KIF24: variants seen among roughly 807,000 people sequenced by gnomAD.
KIF24 encodes kinesin-like protein KIF24.
In KIF24, 81 loss-of-function variants were observed where a neutral mutation model predicts 118.9. That is an observed-to-expected ratio of 0.68 (90% CI 0.57 to 0.82). KIF24 has a LOEUF of 0.82. Among genes scored for constraint, KIF24 ranks in the 40% least tolerant of loss-of-function variants. The pLI, the probability that KIF24 is intolerant of heterozygous loss-of-function variation, is 0.00. For missense variants in KIF24, 1,560 were observed against 1,661.6 expected, an observed-to-expected ratio of 0.94 and a Z score of 1.06; for synonymous variants, 599 against 610.0, an observed-to-expected ratio of 0.98 and a Z score of 0.27.
chr9:34,327,169 A>G (rs1837695994), intron 1 of KIF24, among the ~76,000 whole-genome samples: 1 of 152,152 alleles, frequency 6.6e-6, no homozygotes, highest in Non-Finnish European at 1.5e-5. Context: ...CCATACACTC[A>G]AGGTTTAAGA....
In KIF24 at chr9:34,256,471, A is replaced by G. The variant is rs1296348332; in HGVS notation, c.3136T>C (p.Ser1046Pro). 1 of 1,613,790 alleles carries G rather than the reference A, an allele frequency of 6.2e-7. No individual in the cohort carries two copies. Among genetic ancestry groups the G allele is most frequent in the African/African-American group, 1.3e-5 (1 of 75,004 alleles). The change falls in exon 11 of 13, where the codon TCT becomes CCT. Residue 1046 changes from serine to proline, a missense_variant. Coordinates refer to ENST00000402558, the MANE Select transcript of KIF24 (RefSeq NM_194313.4). ...ATGGTGAGGGGAGACATGAGTCCAGAAGCATATTCAGCATGCGTGCCTAAC... is the reference window on the plus strand; with the variant it reads ...ATGGTGAGGGGAGACATGAGTCCAGGAGCATATTCAGCATGCGTGCCTAAC... ...GQLGTHAEYA[S>P]GLMSPLTMSL...
upstream of KIF24, among the ~76,000 whole-genome samples, chr9:34,331,481 A>G (rs1837935648): frequency 6.6e-6 from 1 of 152,202 alleles, no homozygotes; most frequent in Non-Finnish European, 1.5e-5. Context: ...ATAGACAGCC[A>G]TGCTTTTCTG....
chr9:34,256,236 C>A lies in KIF24; in HGVS notation c.3371G>T (p.Gly1124Val). 1 of 1,604,420 alleles carries A rather than the reference C, an allele frequency of 6.2e-7. No homozygotes were observed. Among genetic ancestry groups the A allele is most frequent in the Non-Finnish European group, 8.5e-7 (1 of 1,174,742 alleles). Residue 1124 changes from glycine (G) to valine (V), a missense_variant, in exon 11 of 13, where the codon GGT becomes GTT. This residue lies in a region of KIF24 where 591 missense variants were observed against 655.6 expected (regional missense o/e 0.90). Coordinates refer to ENST00000402558, the MANE Select transcript of KIF24 (RefSeq NM_194313.4). ...LSSSPPDNKP[G>V]GDLPALSPSP... ...TGGGGACAGAGCTGGAAGATCACCA[C>A]CAGGCTTATTATCAGGGGGAGATGA...
At chr9:34,287,844 T>A (rs929749568) in intron 5 of KIF24, among the ~76,000 whole-genome samples, 1 of 150,602 alleles carries the variant, frequency 6.6e-6, no homozygotes, top group African/African-American at 2.4e-5. Context: ...TGTAGTACGC[T>A]ATGATTGCGC....
rs542008868 is a variant in KIF24 at position 34,327,266 on chromosome 9, A to C, written c.-26+1840T>G. Among the ~76,000 whole-genome samples, 4 of 152,168 alleles carry C rather than the reference A, an allele frequency of 2.6e-5. No homozygotes were observed. The South Asian group carries it at 8.3e-4, about 32-fold the overall frequency. The stretch of plus-strand genomic sequence containing the variant: ...ACTGGTTTGCTGAGCCAGCATAGGG[A>C]AACTGGATTAATATATCAGGCATCA... On this transcript the variant is annotated intron_variant, in intron 1 of 12. Transcript: ENST00000402558.
In KIF24 at chr9:34,310,657, T is replaced by C. The variant is rs1837101550; in HGVS notation, c.623+67A>G. The C allele has an allele frequency of 3.4e-6, 4 of 1,166,572 alleles. 1 individual carries two copies. The highest frequency in any genetic ancestry group is 3.1e-5 in the South Asian group (2 of 65,072). 72.3% of individuals were successfully genotyped at this position (1,166,572 alleles called of 1,614,324 possible). Reference sequence around the variant, plus strand: ...AGGAGTAGATGCTGTCTGCTGGACATGAAGGAGAGGCCTGCCCTTGCCTGA... The same window carrying C: ...AGGAGTAGATGCTGTCTGCTGGACACGAAGGAGAGGCCTGCCCTTGCCTGA... On this transcript the variant is annotated intron_variant, in intron 2 of 12. Coordinates refer to ENST00000402558, the MANE Select transcript of KIF24 (RefSeq NM_194313.4).
At chr9:34,298,810 A>T (rs2131779206) in intron 3 of KIF24, among the ~76,000 whole-genome samples, 1 of 152,306 alleles carries the variant, frequency 6.6e-6, no homozygotes, top group Non-Finnish European at 1.5e-5. Flanking sequence ...ATTATTTGAC[A>T]ACCATGGAAA....
chr9:34,281,566 C>T (rs969598300), intron 6 of KIF24, among the ~76,000 whole-genome samples: 2 of 152,134 alleles, frequency 1.3e-5, no homozygotes, highest in Admixed American at 6.5e-5. Context: ...AAACCTCTAA[C>T]AAAGCATTTG....
In KIF24 at chr9:34,256,031, G is replaced by C. The variant is rs1356819791; in HGVS notation, c.3576C>G (p.Phe1192Leu). The C allele has an allele frequency of 1.3e-5, 21 of 1,614,012 alleles. No homozygotes were observed. The highest frequency in any genetic ancestry group is 2.2e-5 in the South Asian group (2 of 91,084). The change falls in exon 11 of 13, where the codon TTC (phenylalanine) becomes TTG (leucine). Residue 1192 changes from phenylalanine (F) to leucine (L), a missense_variant. Coordinates refer to ENST00000402558, the MANE Select transcript of KIF24 (RefSeq NM_194313.4). ...DGSWGFPGKPFTTIHMGVPHS... is the reference protein window; with the variant it reads ...DGSWGFPGKPLTTIHMGVPHS... The stretch of plus-strand genomic sequence containing the variant: ...GGGGTACCCCCATATGTATGGTGGT[G>C]AAGGGCTTTCCTGGGAAACCCCAGG...
chr9:34,331,798 C>T (rs1837945868), upstream of KIF24, among the ~76,000 whole-genome samples: 1 of 152,196 alleles, frequency 6.6e-6, no homozygotes, highest in Non-Finnish European at 1.5e-5. Flanking sequence ...GACTATAGCA[C>T]TTCAAATTCA....
At position 34,254,465 on chromosome 9, in the gene KIF24, C is replaced by T. The variant is rs1834740181; in HGVS notation, c.4022G>A (p.Cys1341Tyr). The change falls in exon 13 of 13, where the codon TGT becomes TAT. Residue 1341 changes from cysteine (C) to tyrosine (Y), a missense_variant. This residue lies in a region of KIF24 where 591 missense variants were observed against 655.6 expected (regional missense o/e 0.90). Coordinates refer to ENST00000402558, the MANE Select transcript of KIF24 (RefSeq NM_194313.4). ...CAGCTGGCTCCTCAGACTCTGGATA[C>T]ACTTGGATTTCAGAACCATGATTTC... ...LDEIMVLKSK[C>Y]IQSLRSQLQL... 3 of 1,613,894 alleles carry T rather than the reference C, an allele frequency of 1.9e-6. No individual in the cohort carries two copies. The highest frequency in any genetic ancestry group is 2.5e-6 in the Non-Finnish European group (3 of 1,179,842).
intron 1 of KIF24, among the ~76,000 whole-genome samples, chr9:34,325,155 T>C (rs1051770353): frequency 1.2e-4 from 18 of 150,238 alleles, no homozygotes; most frequent in African/African-American, 4.2e-4. Context: ...CTGGGCAACA[T>C]ATGGAGAACC....
chr9:34,304,445 G>A lies in KIF24; in HGVS notation c.813+1807C>T, dbSNP rs371013909. Among the ~76,000 whole-genome samples, 70 of 152,198 alleles carry A rather than the reference G, an allele frequency of 4.6e-4. 1 individual carries two copies. Among genetic ancestry groups the A allele is most frequent in the African/African-American group, 1.6e-3 (66 of 41,538 alleles). The stretch of plus-strand genomic sequence containing the variant: ...GTGTTTGGGGATAACAGAAAAATAC[G>A]AAAGATAAGATGATGCCTCCTTGAT... On this transcript the variant is annotated intron_variant, in intron 3 of 12. Transcript: ENST00000402558.
chr9:34,261,854 CTA>C (rs76533131), intron 9 of KIF24, among the ~76,000 whole-genome samples: 56,769 of 151,954 alleles, frequency 0.37, 11,612 homozygotes, highest in East Asian at 0.89. Flanking sequence ...AAACAGTGGT[CTA>C]AGTCTTAGAG....
At chr9:34,281,580 G>A (rs1048158204) in intron 6 of KIF24, among the ~76,000 whole-genome samples, 1 of 152,200 alleles carries the variant, frequency 6.6e-6, no homozygotes, top group Non-Finnish European at 1.5e-5. Context: ...GCATTTGGTA[G>A]ATAGTGCTCA....
chr9:34,307,808 G>A (rs1836984552), intron 2 of KIF24, among the ~76,000 whole-genome samples: 1 of 146,968 alleles, frequency 6.8e-6, no homozygotes, highest in East Asian at 2.0e-4. Flanking sequence ...GAGTTCACAG[G>A]TGAGATAGTG....
chr9:34,312,537 A>G (rs891787849), intron 1 of KIF24, among the ~76,000 whole-genome samples: 2 of 152,306 alleles, frequency 1.3e-5, no homozygotes, highest in South Asian at 2.1e-4. Flanking sequence ...TTTAATTTCT[A>G]TTTCATCTTC....
chr9:34,302,161 A>AT (rs1197688687), intron 3 of KIF24, among the ~76,000 whole-genome samples: 21 of 150,664 alleles, frequency 1.4e-4, no homozygotes, highest in Admixed American at 2.7e-4. Context: ...TGCCTGACTA[A>AT]TTTTTTGTAT....
Position 34,256,742 on chromosome 9 carries a change from G to C in KIF24, c.2865C>G (p.Gly955=). 2 of 1,613,970 alleles carry C rather than the reference G, an allele frequency of 1.2e-6. No homozygotes were observed. The highest frequency in any genetic ancestry group is 1.7e-4 in the Middle Eastern group (1 of 6,060). ...CATCCTTTCTGAGATCAAAGGAAGA[G>C]CCTCCACCTCTTTCCTGTCTATATA... ...DFIYRQERGG[G]SSFDLRKDAS... is the part of the protein sequence containing the mutation. The change falls in exon 11 of 13, where the codon GGC becomes GGG. Residue 955 remains glycine (G), a synonymous_variant. Transcript: ENST00000402558.
Sources: gnomAD v4.1 joint callset for allele counts (sites outside exome capture counted in the v4.1 genomes callset) on GRCh38, gnomAD v4.1.1 for gene constraint, gnomAD v4.1.1 regional missense constraint, MANE v1.5 for transcripts, NCBI Gene and HGNC (gene_info 2026-07-23, HGNC 2026-07-21) for gene names.